Variants in FTO observed in about 807,000 individuals in gnomAD.
The protein encoded by FTO is FTO alpha-ketoglutarate dependent dioxygenase, also known as alpha-ketoglutarate-dependent dioxygenase FTO.
Under a neutral mutation model 63.9 loss-of-function variants are expected in FTO, and 47 were observed. The ratio of observed to expected loss-of-function variants is 0.74; its 90% CI spans 0.58 to 0.94. The LOEUF is 0.94. FTO is among the 40% of genes least tolerant of loss of function. The pLI, the probability that FTO is intolerant of heterozygous loss-of-function variation, is 0.00. For synonymous variants in FTO, 207 were observed against 224.4 expected (o/e 0.92, Z 0.69); for missense variants, 562 against 618.1 (o/e 0.91, Z 0.96).
rs553844520 is a variant in FTO, at chr16:53,755,808, C to T, written c.45+51579C>T. ...TTGCCCTTTGCTTCTTAGGCCCTTGCTTCTGTCCCGCTGCCTGGAATGTAC... is the reference window on the plus strand; with the variant it reads ...TTGCCCTTTGCTTCTTAGGCCCTTGTTTCTGTCCCGCTGCCTGGAATGTAC... On this transcript the variant is annotated intron_variant, in intron 1 of 8. Transcript: ENST00000471389. 3.3e-5 allele frequency among the ~76,000 whole-genome samples: 5 copies of T among 152,258 alleles called. No homozygotes were observed. In the South Asian group the frequency reaches 1.0e-3, roughly 32 times the overall value.
At chr16:53,889,110 A>G (rs900879235) in intron 7 of FTO, among the ~76,000 whole-genome samples, 159 bp downstream of exon 7, 3 of 152,244 alleles carry the variant, frequency 2.0e-5, no homozygotes, top group African/African-American at 7.2e-5. Context: ...TTTTGTCAGT[A>G]CAACCTCAGT....
chr16:53,720,643 A>AAT (rs58637323), intron 1 of FTO, among the ~76,000 whole-genome samples: 8,502 of 146,780 alleles, frequency 0.058, 797 homozygotes, highest in African/African-American at 0.2. Flanking sequence ...ATATATATAA[A>AAT]ATATATATAT....
At position 53,886,762 on chromosome 16, in the gene FTO, G is replaced by A. The variant is rs150449535; in HGVS notation, c.1120-2070G>A. ...ACTTATTTGAGCCATTTCCACCATC[G>A]TTAAATCTTCACAAGTTGCTTTTGT... On this transcript the variant is annotated intron_variant, in intron 6 of 8. Transcript: ENST00000471389. Among the ~76,000 whole-genome samples, 967 of 152,224 alleles carry A rather than the reference G, an allele frequency of 6.4e-3. 10 individuals carry two copies. Among genetic ancestry groups the A allele is most frequent in the African/African-American group, 0.022 (895 of 41,512 alleles).
intron 1 of FTO, among the ~76,000 whole-genome samples, chr16:53,771,728 GATGA>G (rs1436009700): frequency 6.6e-6 from 1 of 152,062 alleles, no homozygotes; most frequent in Non-Finnish European, 1.5e-5. Flanking sequence ...GCCCATCAAT[GATGA>G]ATGTACAATT....
chr16:54,112,276 C>T lies in FTO; in HGVS notation c.*361C>T, dbSNP rs886052108. On this transcript the variant is annotated 3_prime_UTR_variant, in exon 9 of 9. Transcript: ENST00000471389. Reference sequence around the variant, plus strand: ...CTTTTTCAGAGACTCTGGAGTGGACCCAGCCCTCTGGGGAAAGACAGAACT... The same window carrying T: ...CTTTTTCAGAGACTCTGGAGTGGACTCAGCCCTCTGGGGAAAGACAGAACT... The T allele has an allele frequency of 1.5e-5, 5 of 330,130 alleles. No homozygotes were observed. The highest frequency in any genetic ancestry group is 1.1e-4 in the South Asian group (4 of 36,600). 20.5% of individuals were successfully genotyped at this position (330,130 alleles called of 1,614,324 possible).
chr16:53,916,527 A>G (rs2081870087), intron 7 of FTO, among the ~76,000 whole-genome samples: 1 of 152,226 alleles, frequency 6.6e-6, no homozygotes, highest in South Asian at 2.1e-4. Context: ...TCCGTAAATC[A>G]CGTTTTGCTC....
chr16:53,941,033 C>T (rs2082516282), intron 8 of FTO, among the ~76,000 whole-genome samples: 1 of 152,258 alleles, frequency 6.6e-6, no homozygotes, highest in South Asian at 2.1e-4. Flanking sequence ...TTGATCGGGG[C>T]TCAACAAGTA....
chr16:54,104,929 A>G (rs2086715979), intron 8 of FTO, among the ~76,000 whole-genome samples: 1 of 152,246 alleles, frequency 6.6e-6, no homozygotes, highest in African/African-American at 2.4e-5. Flanking sequence ...AGGTTTTAAA[A>G]ATAGGACTTG....
intron 1 of FTO, among the ~76,000 whole-genome samples, chr16:53,719,994 A>G (rs1280151764): frequency 6.6e-6 from 1 of 152,024 alleles, no homozygotes; most frequent in Non-Finnish European, 1.5e-5. Flanking sequence ...TAGGTACTGA[A>G]CTAATGTTTC....
chr16:53,909,135 T>A (rs747372713), intron 7 of FTO, among the ~76,000 whole-genome samples: 2 of 152,212 alleles, frequency 1.3e-5, no homozygotes, highest in African/African-American at 2.4e-5. Context: ...TAGAGTCTGT[T>A]ATCTTTTGAA....
intron 8 of FTO, among the ~76,000 whole-genome samples, chr16:54,009,652 C>T (rs1179766294): frequency 6.6e-6 from 1 of 152,232 alleles, no homozygotes; most frequent in Non-Finnish European, 1.5e-5. Flanking sequence ...AGCCTCTGTC[C>T]GCCAGGCTTC....
intron 8 of FTO, among the ~76,000 whole-genome samples, chr16:54,002,603 A>T (rs2084093822): frequency 1.3e-5 from 2 of 152,232 alleles, no homozygotes; most frequent in Non-Finnish European, 2.9e-5. Flanking sequence ...CTACTTCTTG[A>T]TGTCACATTA....
chr16:53,735,124 G>A (rs2037780349), intron 1 of FTO, among the ~76,000 whole-genome samples: 1 of 152,224 alleles, frequency 6.6e-6, no homozygotes, highest in Non-Finnish European at 1.5e-5. Flanking sequence ...CTCAATTAAT[G>A]TGTGACTGGA....
chr16:54,037,260 T>C (rs550856433), intron 8 of FTO, among the ~76,000 whole-genome samples: 5 of 152,188 alleles, frequency 3.3e-5, no homozygotes, highest in Non-Finnish European at 7.3e-5. Flanking sequence ...CATATGCATA[T>C]TGGGGAGGTC....
At chr16:54,100,430 G>T (rs1201304587) in intron 8 of FTO, among the ~76,000 whole-genome samples, 2 of 152,118 alleles carry the variant, frequency 1.3e-5, no homozygotes. Flanking sequence ...ACGGCTCACT[G>T]TACCTTCAGC....
intron 7 of FTO, among the ~76,000 whole-genome samples, chr16:53,905,274 A>G (rs2081507939): frequency 6.6e-6 from 1 of 152,176 alleles, no homozygotes; most frequent in Admixed American, 6.5e-5. Context: ...AAGTTAATCA[A>G]ACTGGGGTTT....
intron 6 of FTO, among the ~76,000 whole-genome samples, chr16:53,886,445 G>T (rs1012581489): frequency 2.0e-5 from 3 of 152,142 alleles, no homozygotes; most frequent in African/African-American, 7.2e-5. Context: ...CCATCAAAAA[G>T]AACTCATTTT....
At chr16:54,093,131 A>G (rs1343898353) in intron 8 of FTO, among the ~76,000 whole-genome samples, 1 of 152,130 alleles carries the variant, frequency 6.6e-6, no homozygotes, top group African/African-American at 2.4e-5. Context: ...CATTCATGCC[A>G]CACAGGCAGG....
rs141082179 is a variant in FTO, at chr16:53,828,939, G to A, written c.751+2448G>A. Among the ~76,000 whole-genome samples the A allele has an allele frequency of 2.5e-3, 374 of 152,080 alleles. 2 individuals carry two copies. Among genetic ancestry groups the A allele is most frequent in the Non-Finnish European group, 3.6e-3 (243 of 68,006 alleles). On this transcript the variant is annotated intron_variant, in intron 3 of 8. Coordinates refer to ENST00000471389, the MANE Select transcript of FTO (RefSeq NM_001080432.3). ...AGAGTGTTGCTCTATCTCCCAGGCC[G>A]GAGTGCAGTGGCACGATCTCGGCTC...
Sources: allele counts gnomAD v4.1 joint callset (sites outside exome capture counted in the v4.1 genomes callset), GRCh38; gene constraint gnomAD v4.1.1; transcripts MANE v1.5; gene names NCBI Gene and HGNC (gene_info 2026-07-23, HGNC 2026-07-21).